Variants in ACTG1 observed in about 807,000 individuals in gnomAD.
ACTG1 encodes the protein actin, cytoplasmic 2.
A neutral mutation model predicts 34.3 loss-of-function variants in ACTG1; 14 were observed. The observed-to-expected ratio is 0.41, with a 90% CI of 0.27 to 0.64. ACTG1 has a LOEUF of 0.64. Among genes scored for constraint, ACTG1 ranks in the 30% least tolerant of loss-of-function variants. The pLI, the probability that ACTG1 is intolerant of heterozygous loss-of-function variation, is 0.33. For missense variants in ACTG1, 233 were observed against 529.5 expected, an observed-to-expected ratio of 0.44 and a Z score of 5.50; for synonymous variants, 422 against 213.9, an observed-to-expected ratio of 1.97 and a Z score of -8.49.
Position 81,510,762 on chromosome 17 carries a change from G to A in ACTG1, c.1056C>T (p.Phe352=), listed in dbSNP as rs2031713483. Residue 352 remains phenylalanine, a synonymous_variant, in exon 6 of 6, where the codon TTC becomes TTT. Coordinates refer to ENST00000573283, the MANE Select transcript of ACTG1 (RefSeq NM_001614.5). ...CCTGCTTGCTAATCCACATCTGCTG[G>A]AAGGTGGACAGTGAGGCCAGGATGG... ...GGSILASLST[F]QQMWISKQEY... 3 of 1,614,032 alleles carry A rather than the reference G, an allele frequency of 1.9e-6. No individual in the cohort carries two copies. Among genetic ancestry groups the A allele is most frequent in the Non-Finnish European group, 2.5e-6 (3 of 1,179,994 alleles).
Position 81,512,750 on chromosome 17 carries a change from C to A in ACTG1, c.-23G>T, listed in dbSNP as rs782247430. ...GGCGCTCACCGGCAGAGAAACGCGA[C>A]GGCGGAGCGGCGGAAGAACAGAGTG... On this transcript the variant is annotated 5_prime_UTR_variant, in exon 1 of 6. Transcript: ENST00000573283. The A allele has an allele frequency of 9.7e-6, 4 of 411,730 alleles. No individual in the cohort carries two copies. Among genetic ancestry groups the A allele is most frequent in the African/African-American group, 2.2e-5 (1 of 45,578 alleles). 25.5% of individuals were successfully genotyped at this position (411,730 alleles called of 1,614,324 possible).
chr17:81,512,017 C>T lies in ACTG1; in HGVS notation c.249G>A (p.Glu83=), dbSNP rs782594584. The change falls in exon 3 of 6, where the codon GAG becomes GAA. Residue 83 remains glutamate, a synonymous_variant. Transcript: ENST00000573283. ...TGTAGAAGGTGTGGTGCCAGATCTT[C>T]TCCATGTCGTCCCAGTTGGTGACGA... The part of the protein sequence containing the change: ...HGIVTNWDDM[E]KIWHHTFYNE... 8.7e-6 allele frequency: 14 copies of T among 1,614,084 alleles called. No individual in the cohort carries two copies. The highest frequency in any genetic ancestry group is 2.7e-5 in the African/African-American group (2 of 75,070).
rs146663750 is a variant in ACTG1, at chr17:81,511,071, G to A, written c.840C>T (p.Asn280=). 8 of 1,613,946 alleles carry A rather than the reference G, an allele frequency of 5.0e-6. No individual in the cohort carries two copies. In the African/African-American group the frequency reaches 5.3e-5, roughly 11 times the overall value. ...ESCGIHETTF[N]SIMKCDVDIR... ...TGTCCACGTCACACTTCATGATGGA[G>A]TTGAAGGTGGTCTCGTGGATGCCGC... Residue 280 remains asparagine (N), a synonymous_variant, in exon 5 of 6, where the codon AAC becomes AAT. Coordinates refer to ENST00000573283, the MANE Select transcript of ACTG1 (RefSeq NM_001614.5).
At chr17:81,511,752 A>G (rs782411116) in intron 3 of ACTG1, 126 bp from the exon 4 acceptor site, 4 of 1,528,206 alleles carry the variant, frequency 2.6e-6, no homozygotes, top group Non-Finnish European at 2.7e-6. Flanking sequence ...GGCAGAAACC[A>G]AATGAGAAAC....
rs1555666272 is a variant in ACTG1 at position 81,510,599 on chromosome 17, G to A, written c.*91C>T. On this transcript the variant is annotated 3_prime_UTR_variant, in exon 6 of 6. Transcript: ENST00000573283. Reference sequence around the variant, plus strand: ...TTTCGAAGGCTTATTCCAGTTTCGTGAGGCTAGCATGAGGTGTGTGCATTT... The same window carrying A: ...TTTCGAAGGCTTATTCCAGTTTCGTAAGGCTAGCATGAGGTGTGTGCATTT... 6.6e-7 allele frequency: 1 copy of A among 1,524,318 alleles called. No individual in the cohort carries two copies. Among genetic ancestry groups the A allele is most frequent in the African/African-American group, 1.4e-5 (1 of 72,992 alleles). The allele number at this position is 1,524,318 out of a possible 1,614,324, so 94.4% of individuals were successfully genotyped here.
Position 81,510,981 on chromosome 17 carries a change from G to T in ACTG1, c.930C>A (p.Ala310=). The change falls in exon 5 of 6, where the codon GCC becomes GCA. Residue 310 remains alanine (A), a synonymous_variant. Transcript: ENST00000573283. ...CGGTGATCTCCTTCTGCATCCTGTCGGCAATGCCCGGGTACATGGTGGTGC... is the reference window on the plus strand; with the variant it reads ...CGGTGATCTCCTTCTGCATCCTGTCTGCAATGCCCGGGTACATGGTGGTGC... ...SGGTTMYPGI[A]DRMQKEITAL... 1 of 1,613,832 alleles carries T rather than the reference G, an allele frequency of 6.2e-7. No homozygotes were observed. Among genetic ancestry groups the T allele is most frequent in the Non-Finnish European group, 8.5e-7 (1 of 1,179,950 alleles).
chr17:81,512,277 A>T lies in ACTG1; in HGVS notation c.78T>A (p.Ala26=). The change falls in exon 2 of 6, where the codon GCT becomes GCA. Residue 26 remains alanine, a synonymous_variant. Coordinates refer to ENST00000573283, the MANE Select transcript of ACTG1 (RefSeq NM_001614.5). The part of the protein sequence containing the change: ...MCKAGFAGDD[A]PRAVFPSIVG... ...CGATGGAAGGAAACACGGCTCGGGG[A>T]GCGTCGTCCCCAGCAAAACCAGCTT... 6.2e-7 allele frequency: 1 copy of T among 1,613,570 alleles called. No individual in the cohort carries two copies. Among genetic ancestry groups the T allele is most frequent in the Non-Finnish European group, 8.5e-7 (1 of 1,179,908 alleles).
chr17:81,512,797 G>C lies in ACTG1; in HGVS notation c.-70C>G, dbSNP rs1371743667. On this transcript the variant is annotated 5_prime_UTR_variant, in exon 1 of 6. Coordinates refer to ENST00000573283, the MANE Select transcript of ACTG1 (RefSeq NM_001614.5). ...AGTGCGAGAGCTGGCAGCGGCGACT[G>C]AGACCGACCGCGGCCTCCCCCGCCG... The C allele has an allele frequency of 4.9e-6, 2 of 409,952 alleles. No individual in the cohort carries two copies. The highest frequency in any genetic ancestry group is 1.7e-5 in the South Asian group (1 of 59,400). The allele number at this position is 409,952 out of a possible 1,614,324, so 25.4% of individuals were successfully genotyped here.
At chr17:81,512,672 A>C (rs2031893042) in intron 1 of ACTG1, 62 bp downstream of exon 1, 1 of 409,882 alleles carries the variant, frequency 2.4e-6, no homozygotes, top group Admixed American at 3.8e-5. Flanking sequence ...AAGCGGGGCC[A>C]GCCGGGGTCG....
At chr17:81,512,587 C>G (rs1434222051) in intron 1 of ACTG1, 147 bp downstream of exon 1, 3 of 654,634 alleles carry the variant, frequency 4.6e-6, no homozygotes, top group Non-Finnish European at 7.7e-6. Context: ...CGGCGCCCCC[C>G]CAGCCCCGTC....
chr17:81,512,241 G>A lies in ACTG1; in HGVS notation c.114C>T (p.Pro38=), dbSNP rs562047291. The change falls in exon 2 of 6, where the codon CCC becomes CCT. Residue 38 remains proline (P), a synonymous_variant. Transcript: ENST00000573283. The part of the protein sequence containing the change: ...RAVFPSIVGR[P]RHQGVMVGMG... ...GGCGCCATCCACTCACCTGGTGTCT[G>A]GGGCGCCCGACGATGGAAGGAAACA... 2 of 1,613,574 alleles carry A rather than the reference G, an allele frequency of 1.2e-6. No homozygotes were observed. The highest frequency in any genetic ancestry group is 1.7e-6 in the Non-Finnish European group (2 of 1,179,974).
rs1555666272 is a variant in ACTG1, at chr17:81,510,599, G to T, written c.*91C>A. 6.6e-7 allele frequency: 1 copy of T among 1,524,436 alleles called. No homozygotes were observed. Among genetic ancestry groups the T allele is most frequent in the Admixed American group, 1.7e-5 (1 of 59,840 alleles). 94.4% of individuals were successfully genotyped at this position (1,524,436 alleles called of 1,614,324 possible). ...TTTCGAAGGCTTATTCCAGTTTCGT[G>T]AGGCTAGCATGAGGTGTGTGCATTT... On this transcript the variant is annotated 3_prime_UTR_variant, in exon 6 of 6. Transcript: ENST00000573283.
intron 3 of ACTG1, 74 bp from the exon 4 acceptor site, chr17:81,511,700 G>T: frequency 1.3e-6 from 2 of 1,534,206 alleles, no homozygotes; most frequent in Non-Finnish European, 1.8e-6. Flanking sequence ...GCCACAACAT[G>T]CTGCATGCCA....
Position 81,510,822 on chromosome 17 carries a change from G to C in ACTG1, c.996C>G (p.Pro332=), listed in dbSNP as rs200089021. 3 of 1,613,840 alleles carry C rather than the reference G, an allele frequency of 1.9e-6. No homozygotes were observed. Among genetic ancestry groups the C allele is most frequent in the African/African-American group, 2.7e-5 (2 of 74,914 alleles). The change falls in exon 6 of 6, where the codon CCC becomes CCG. Residue 332 remains proline, a synonymous_variant. Transcript: ENST00000573283. The part of the protein sequence containing the change: ...PSTMKIKIIA[P]PERKYSVWIG... ...TCCACACCGAGTACTTGCGCTCTGG[G>C]GGTGCGATGATCTGCAAAGACAGCC...
In ACTG1 at chr17:81,512,235, G is replaced by A. The variant is rs11549174; in HGVS notation, c.120C>T (p.His40=). 7 of 1,613,598 alleles carry A rather than the reference G, an allele frequency of 4.3e-6. No homozygotes were observed. The highest frequency in any genetic ancestry group is 5.9e-6 in the Non-Finnish European group (7 of 1,179,932). The part of the protein sequence containing the change: ...VFPSIVGRPR[H]QGVMVGMGQK... The stretch of plus-strand genomic sequence containing the variant: ...CCCCGCGGCGCCATCCACTCACCTG[G>A]TGTCTGGGGCGCCCGACGATGGAAG... The change falls in exon 2 of 6, where the codon CAC becomes CAT. Residue 40 remains histidine (H), a synonymous_variant. Transcript: ENST00000573283.
intron 5 of ACTG1, 32 bp downstream of exon 5, chr17:81,510,895 C>T (rs1555666443): frequency 1.2e-6 from 2 of 1,613,764 alleles, no homozygotes; most frequent in Non-Finnish European, 1.7e-6. Flanking sequence ...CTCTCCCGAG[C>T]CAGGCAGAGG....
chr17:81,511,248 T>C lies in ACTG1; in HGVS notation c.742A>G (p.Ile248Val). 1.2e-6 allele frequency: 2 copies of C among 1,613,774 alleles called. No homozygotes were observed. Among genetic ancestry groups the C allele is most frequent in the South Asian group, 1.1e-5 (1 of 91,088 alleles). ...KSYELPDGQV[I>V]TIGNERFRCP... Reference sequence around the variant, plus strand: ...CGGAACCGCTCATTGCCAATGGTGATGACCTGGCCATCGGGCAGCTCGTAG... The same window carrying C: ...CGGAACCGCTCATTGCCAATGGTGACGACCTGGCCATCGGGCAGCTCGTAG... The change falls in exon 4 of 6, where the codon ATC becomes GTC. Residue 248 changes from isoleucine to valine, a missense_variant. Coordinates refer to ENST00000573283, the MANE Select transcript of ACTG1 (RefSeq NM_001614.5).
intron 1 of ACTG1, 65 bp downstream of exon 1, chr17:81,512,669 G>A (rs2031892865): frequency 2.4e-6 from 1 of 413,540 alleles, no homozygotes; most frequent in Non-Finnish European, 4.5e-6. Context: ...TGGAAGCGGG[G>A]CCAGCCGGGG....
Position 81,511,957 on chromosome 17 carries a change from C to G in ACTG1, c.309G>C (p.Val103=). 1 of 1,614,094 alleles carries G rather than the reference C, an allele frequency of 6.2e-7. No homozygotes were observed. The change falls in exon 3 of 6, where the codon GTG becomes GTC. Residue 103 remains valine (V), a synonymous_variant. Coordinates refer to ENST00000573283, the MANE Select transcript of ACTG1 (RefSeq NM_001614.5). The part of the protein sequence containing the change: ...ELRVAPEEHP[V]LLTEAPLNPK... The stretch of plus-strand genomic sequence containing the variant: ...GGTTCAGGGGGGCCTCGGTCAGCAG[C>G]ACTGGGTGCTCCTCCGGGGCCACGC...
Sources: allele counts gnomAD v4.1 joint callset, GRCh38; gene constraint gnomAD v4.1.1; transcripts MANE v1.5; gene names NCBI Gene and HGNC (gene_info 2026-07-23, HGNC 2026-07-21).